Variants in IGSF21 observed in about 807,000 individuals in gnomAD.
IGSF21 encodes immunoglobin superfamily member 21, also known as immunoglobulin superfamily member 21.
IGSF21 carries 28 observed loss-of-function variants against 46.8 expected under a neutral mutation model. The ratio of observed to expected loss-of-function variants is 0.60; its 90% confidence interval spans 0.44 to 0.82. The LOEUF (loss-of-function observed/expected upper bound fraction) is 0.82, where lower values mean the gene tolerates loss of function less well. Ranked by LOEUF, IGSF21 falls within the 40% of genes least tolerant of loss-of-function variation. The pLI is 0.00. For missense variants in IGSF21, 624 were observed against 665.5 expected (o/e 0.94, Z 0.69); for synonymous variants, 284 against 273.6 (o/e 1.04, Z -0.38).
At chr1:18,251,086 C>T (rs779483395) in intron 2 of IGSF21, among the ~76,000 whole-genome samples, 59 of 151,960 alleles carry the variant, frequency 3.9e-4, no homozygotes, top group Admixed American at 6.6e-4. Flanking sequence ...ATGGGATGAG[C>T]GTGGTCACAC....
At chr1:18,346,904 A>C (rs2085899633) in intron 4 of IGSF21, among the ~76,000 whole-genome samples, 1 of 152,102 alleles carries the variant, frequency 6.6e-6, no homozygotes, top group African/African-American at 2.4e-5. Flanking sequence ...GAGACGGGAC[A>C]CTGTCGTCTT....
intron 1 of IGSF21, among the ~76,000 whole-genome samples, chr1:18,191,078 C>T (rs1477089843): frequency 6.6e-6 from 1 of 152,164 alleles, no homozygotes; most frequent in Admixed American, 6.5e-5. Context: ...TCCAGGGACC[C>T]AGAAGGAGAT....
intron 3 of IGSF21, among the ~76,000 whole-genome samples, chr1:18,328,057 T>G (rs2085675079): frequency 6.6e-6 from 1 of 152,166 alleles, no homozygotes; most frequent in South Asian, 2.1e-4. Context: ...TCCAGCCTCC[T>G]CCCTCTAAGA....
chr1:18,166,279 A>G (rs1296864788), intron 1 of IGSF21, among the ~76,000 whole-genome samples: 2 of 152,156 alleles, frequency 1.3e-5, no homozygotes, highest in Admixed American at 1.3e-4. Context: ...TCCAAATTTG[A>G]ATATCTGAAA....
chr1:18,174,965 A>G (rs16861661), intron 1 of IGSF21, among the ~76,000 whole-genome samples: 8,446 of 152,294 alleles, frequency 0.055, 360 homozygotes, highest in South Asian at 0.15. Context: ...CACTGCTTTC[A>G]TCAGTACAGT....
At chr1:18,373,695 CT>C (rs1429120050) in intron 6 of IGSF21, among the ~76,000 whole-genome samples, 1 of 152,148 alleles carries the variant, frequency 6.6e-6, no homozygotes, top group African/African-American at 2.4e-5. Context: ...CACCTCCACC[CT>C]TGGGCTCTGA....
At chr1:18,229,009 AT>A (rs1014498894) in intron 2 of IGSF21, among the ~76,000 whole-genome samples, 12 of 151,674 alleles carry the variant, frequency 7.9e-5, no homozygotes, top group African/African-American at 9.7e-5. Context: ...TCTTCTTTTT[AT>A]TTTTTTTCAA....
intron 1 of IGSF21, among the ~76,000 whole-genome samples, chr1:18,162,378 G>T (rs2086635249): frequency 6.6e-6 from 1 of 152,124 alleles, no homozygotes; most frequent in African/African-American, 2.4e-5. Context: ...TACGTTAATG[G>T]TGTGAAAGCA....
intron 4 of IGSF21, among the ~76,000 whole-genome samples, chr1:18,341,952 A>C (rs2085845779): frequency 6.6e-6 from 1 of 152,144 alleles, no homozygotes; most frequent in Non-Finnish European, 1.5e-5. Flanking sequence ...TTCCACCCCA[A>C]AGAACAGATG....
intron 2 of IGSF21, among the ~76,000 whole-genome samples, chr1:18,275,668 G>A (rs1197412726): frequency 6.6e-6 from 1 of 152,162 alleles, no homozygotes; most frequent in Non-Finnish European, 1.5e-5. Flanking sequence ...CATGCTAGGT[G>A]TCCGCTCAAC....
chr1:18,373,647 G>A (rs1033928568), intron 6 of IGSF21, among the ~76,000 whole-genome samples: 18 of 152,100 alleles, frequency 1.2e-4, no homozygotes, highest in African/African-American at 2.2e-4. Flanking sequence ...CCCAGGAGCC[G>A]GGGTGCCCTG....
At chr1:18,143,219 C>A (rs2086434422) in intron 1 of IGSF21, among the ~76,000 whole-genome samples, 1 of 152,198 alleles carries the variant, frequency 6.6e-6, no homozygotes, top group Non-Finnish European at 1.5e-5. Context: ...GATTTAATCT[C>A]ATTGGGCCCT....
In IGSF21 at chr1:18,171,803, G is replaced by A. The variant is rs2086739920; in HGVS notation, c.71-56095G>A. On this transcript the variant is annotated intron_variant, in intron 1 of 9. Transcript: ENST00000251296. ...CCCCCATGTGGATATGGACTTCACG[G>A]GGGTGGCACCAACTCCAGAGCCAAG... is the stretch of plus-strand genomic sequence containing the variant. Among the ~76,000 whole-genome samples, 3 of 152,296 alleles carry A rather than the reference G, an allele frequency of 2.0e-5. No individual in the cohort carries two copies. The South Asian group carries it at 6.2e-4, about 32-fold the overall frequency.
chr1:18,223,808 C>A (rs1265247739), intron 1 of IGSF21, among the ~76,000 whole-genome samples: 1 of 152,160 alleles, frequency 6.6e-6, no homozygotes, highest in African/African-American at 2.4e-5. Context: ...CTAAGTGACA[C>A]ATGCTCAGGC....
chr1:18,153,161 G>A (rs565727931), intron 1 of IGSF21, among the ~76,000 whole-genome samples: 52 of 152,256 alleles, frequency 3.4e-4, no homozygotes, highest in Middle Eastern at 3.4e-3. Context: ...GCTCCCAGCC[G>A]CTCTGCTGGC....
chr1:18,214,265 G>A (rs1008384472), intron 1 of IGSF21, among the ~76,000 whole-genome samples: 2 of 152,186 alleles, frequency 1.3e-5, no homozygotes, highest in African/African-American at 4.8e-5. Flanking sequence ...GTCGGGGCAG[G>A]GGATGGATGC....
chr1:18,288,584 C>T (rs1269265121), intron 2 of IGSF21, among the ~76,000 whole-genome samples: 1 of 152,354 alleles, frequency 6.6e-6, no homozygotes, highest in East Asian at 1.9e-4. Flanking sequence ...CCCACCACAC[C>T]TTCTGTCCAC....
chr1:18,306,274 C>T (rs909209550), intron 3 of IGSF21, among the ~76,000 whole-genome samples: 1 of 152,194 alleles, frequency 6.6e-6, no homozygotes, highest in Non-Finnish European at 1.5e-5. Flanking sequence ...CTTGTTCTTA[C>T]CTCAGGACAT....
intron 1 of IGSF21, among the ~76,000 whole-genome samples, chr1:18,186,185 G>A (rs1450448995): frequency 6.6e-6 from 1 of 152,084 alleles, no homozygotes; most frequent in African/African-American, 2.4e-5. Flanking sequence ...TTTCCACCTG[G>A]GAGACTGATT....
Sources: allele counts gnomAD v4.1 joint callset (sites outside exome capture counted in the v4.1 genomes callset), GRCh38; gene constraint gnomAD v4.1.1; transcripts MANE v1.5; gene names NCBI Gene and HGNC (gene_info 2026-07-23, HGNC 2026-07-21).